IL1RAPL2: variants seen among roughly 807,000 people sequenced by gnomAD.
The protein encoded by IL1RAPL2 is X-linked interleukin-1 receptor accessory protein-like 2.
A neutral mutation model predicts 44.1 loss-of-function variants in IL1RAPL2; 3 were observed. The ratio of observed to expected loss-of-function variants is 0.07; its 90% confidence interval spans 0.03 to 0.18. The LOEUF is 0.18. Ranked by LOEUF, IL1RAPL2 falls within the 10% of genes least tolerant of loss-of-function variation. IL1RAPL2 has a pLI of 1.00. For synonymous variants in IL1RAPL2, 181 were observed against 178.8 expected, an observed-to-expected ratio of 1.01 and a Z score of -0.10; for missense variants, 391 against 496.4, an observed-to-expected ratio of 0.79 and a Z score of 2.02.
intron 5 of IL1RAPL2, among the ~76,000 whole-genome samples, chrX:105,311,639 CACATATAT>C (rs1366179291): frequency 3.1e-5 from 3 of 97,568 alleles, no homozygotes; most frequent in African/African-American, 9.6e-5. Flanking sequence ...CACACACACA[CACATATAT>C]ATATATATAT....
chrX:104,880,071 TG>T (rs956656203), intron 2 of IL1RAPL2, among the ~76,000 whole-genome samples: 1 of 84,780 alleles, frequency 1.2e-5, no homozygotes, highest in African/African-American at 3.9e-5. Flanking sequence ...AAATCTGTTT[TG>T]CAATTTTTTT....
At chrX:105,647,251 G>C (rs990274726) in intron 6 of IL1RAPL2, among the ~76,000 whole-genome samples, 2 of 111,955 alleles carry the variant, frequency 1.8e-5, no homozygotes, top group African/African-American at 6.5e-5. Flanking sequence ...GATCAGCAGT[G>C]GTGGACAGCG....
chrX:105,747,059 T>G (rs1366886971), intron 8 of IL1RAPL2, among the ~76,000 whole-genome samples: 1 of 111,173 alleles, frequency 9.0e-6, no homozygotes, highest in African/African-American at 3.3e-5. Context: ...AATTGTGATT[T>G]GCAGCCCACA....
At chrX:105,333,871 G>C (rs1035261870) in intron 5 of IL1RAPL2, among the ~76,000 whole-genome samples, 1 of 111,870 alleles carries the variant, frequency 8.9e-6, no homozygotes, top group Admixed American at 9.5e-5. Flanking sequence ...ACAGGCAATA[G>C]CAAATGCTGG....
Position 104,887,203 on chromosome X carries a change from G to T in IL1RAPL2, c.82+228208G>T, listed in dbSNP as rs770909522. 3.5e-4 allele frequency among the ~76,000 whole-genome samples: 39 copies of T among 112,378 alleles called. 1 individual carries two copies. The highest frequency in any genetic ancestry group is 1.2e-3 in the African/African-American group (38 of 30,985). The stretch of plus-strand genomic sequence containing the variant: ...CTAGACCACTCTACACTCTAATCAA[G>T]GAGACCCAGAGGGCAAATACTCATC... On this transcript the variant is annotated intron_variant, in intron 2 of 10. Coordinates refer to ENST00000372582, the MANE Select transcript of IL1RAPL2 (RefSeq NM_017416.2).
chrX:105,618,458 C>G (rs756144673), intron 6 of IL1RAPL2, among the ~76,000 whole-genome samples: 5 of 110,837 alleles, frequency 4.5e-5, no homozygotes, highest in Non-Finnish European at 7.6e-5. Flanking sequence ...AAAAAGGTTT[C>G]AGTTAAGAAG....
intron 6 of IL1RAPL2, among the ~76,000 whole-genome samples, chrX:105,603,540 ATAT>A (rs1346457491): frequency 9.0e-6 from 1 of 111,511 alleles, no homozygotes; most frequent in East Asian, 2.8e-4. Context: ...TCAAAAGCAA[ATAT>A]TATTAGATAT....
At chrX:104,654,774 T>C (rs1414726886) in intron 1 of IL1RAPL2, among the ~76,000 whole-genome samples, 1 of 111,367 alleles carries the variant, frequency 9.0e-6, no homozygotes, top group Non-Finnish European at 1.9e-5. Flanking sequence ...AGTATGGCCA[T>C]TTTCACGATA....
chrX:105,190,695 G>T (rs781916182), intron 2 of IL1RAPL2, among the ~76,000 whole-genome samples: 1 of 111,965 alleles, frequency 8.9e-6, no homozygotes, highest in East Asian at 2.8e-4. Context: ...TCTATACATA[G>T]TTATATATCC....
chrX:104,573,147 T>C (rs961964294), intron 1 of IL1RAPL2, among the ~76,000 whole-genome samples: 1 of 112,126 alleles, frequency 8.9e-6, no homozygotes, highest in African/African-American at 3.2e-5. Flanking sequence ...ATGTAAATGA[T>C]AGTTTCAGGT....
At chrX:104,956,376 C>T (rs2029897957) in intron 2 of IL1RAPL2, among the ~76,000 whole-genome samples, 1 of 111,293 alleles carries the variant, frequency 9.0e-6, no homozygotes, top group Admixed American at 9.6e-5. Flanking sequence ...AATCCCAGCA[C>T]TTTGGGAGGC....
chrX:105,379,224 C>T (rs753231414), intron 5 of IL1RAPL2, among the ~76,000 whole-genome samples: 1 of 111,298 alleles, frequency 9.0e-6, no homozygotes, highest in African/African-American at 3.3e-5. Flanking sequence ...TTAATAGCTT[C>T]ATGGAGGGAG....
chrX:105,367,083 CCTT>C (rs1172234193), intron 5 of IL1RAPL2, among the ~76,000 whole-genome samples: 1 of 111,211 alleles, frequency 9.0e-6, no homozygotes, highest in Non-Finnish European at 1.9e-5. Flanking sequence ...TATTTAATGA[CCTT>C]CTTTATCTCT....
rs1285278684 is a variant in IL1RAPL2 at position 104,674,679 on chromosome X, T to C, written c.82+15684T>C. Among the ~76,000 whole-genome samples, 50 of 110,026 alleles carry C rather than the reference T, an allele frequency of 4.5e-4. No individual in the cohort carries two copies. In the East Asian group the frequency reaches 0.014, roughly 30 times the overall value. On this transcript the variant is annotated intron_variant, in intron 2 of 10. Coordinates refer to ENST00000372582, the MANE Select transcript of IL1RAPL2 (RefSeq NM_017416.2). ...ATAGTTTCAGAAGGAATGGTACCAG[T>C]TCCTCCTTGTACCTCTGGTAGAATT... is the stretch of plus-strand genomic sequence containing the variant.
chrX:105,242,828 G>A (rs781905040), intron 4 of IL1RAPL2, among the ~76,000 whole-genome samples: 5 of 111,416 alleles, frequency 4.5e-5, no homozygotes, highest in Non-Finnish European at 9.4e-5. Flanking sequence ...GGAATGGGCC[G>A]GGTGCTCAAG....
Position 105,567,494 on chromosome X carries a change from G to T in IL1RAPL2, c.772+83107G>T, listed in dbSNP as rs543317369. ...TTAGAGATGAGCCAGACTATTAGTGGAGAATTTTGTCAGATGAGTATAAGA... is the reference window on the plus strand; with the variant it reads ...TTAGAGATGAGCCAGACTATTAGTGTAGAATTTTGTCAGATGAGTATAAGA... On this transcript the variant is annotated intron_variant, in intron 6 of 10. Transcript: ENST00000372582. Among the ~76,000 whole-genome samples, 28 of 112,060 alleles carry T rather than the reference G, an allele frequency of 2.5e-4. 1 individual carries two copies. In the South Asian group the frequency reaches 8.8e-3, roughly 35 times the overall value.
intron 2 of IL1RAPL2, among the ~76,000 whole-genome samples, chrX:104,902,790 T>C (rs1051658368): frequency 8.9e-6 from 1 of 111,748 alleles, no homozygotes; most frequent in African/African-American, 3.2e-5. Context: ...AACATAAACA[T>C]TTTAAATCTG....
chrX:104,716,662 T>A (rs1241573150), intron 2 of IL1RAPL2, among the ~76,000 whole-genome samples: 4 of 110,302 alleles, frequency 3.6e-5, no homozygotes, highest in Non-Finnish European at 5.7e-5. Context: ...CCAACAAGCA[T>A]ATGAAAAAAA....
intron 2 of IL1RAPL2, among the ~76,000 whole-genome samples, chrX:105,001,797 A>G (rs1054390334): frequency 9.0e-6 from 1 of 111,278 alleles, no homozygotes; most frequent in South Asian, 3.7e-4. Flanking sequence ...ACACCAAGCA[A>G]TGTGACAAGG....
Sources: allele counts gnomAD v4.1 joint callset (sites outside exome capture counted in the v4.1 genomes callset), GRCh38; gene constraint gnomAD v4.1.1; transcripts MANE v1.5; gene names NCBI Gene and HGNC (gene_info 2026-07-23, HGNC 2026-07-21).